PDZD2: variants seen among roughly 807,000 people sequenced by gnomAD.
PDZD2 encodes the protein PDZ domain containing 2, also known as PDZ domain-containing protein 2.
A neutral mutation model predicts 220.7 loss-of-function variants in PDZD2; 90 were observed. That is an observed-to-expected ratio of 0.41 (90% CI 0.34 to 0.49). The LOEUF is 0.49. Ranked by LOEUF, PDZD2 falls within the 20% of genes least tolerant of loss-of-function variation. PDZD2 has a pLI of 0.28. For missense variants in PDZD2, 3,174 were observed against 3,608.5 expected (o/e 0.88, Z 3.08); for synonymous variants, 1,375 against 1,450.5 (o/e 0.95, Z 1.18).
intron 11 of PDZD2, 22 bp from the exon 12 acceptor site, chr5:32,057,856 C>G: frequency 6.4e-7 from 1 of 1,568,840 alleles, no homozygotes; most frequent in Non-Finnish European, 8.8e-7. Context: ...TTTCAGCCCA[C>G]CTTTCCTCAC....
chr5:31,968,936 G>A (rs1749015496), intron 2 of PDZD2, among the ~76,000 whole-genome samples: 1 of 152,140 alleles, frequency 6.6e-6, no homozygotes, highest in Admixed American at 6.6e-5. Context: ...AGCAGTGTTT[G>A]GAGCTTTTGT....
rs765482094 is a variant in PDZD2, at chr5:31,799,416, G to A, written c.168G>A (p.Thr56=). ...IQLNFAVDES[T]VPPDHSPPEM... is the part of the protein sequence containing the mutation. ...TGAACTTTGCTGTGGATGAGAGTAC[G>A]GTCCCACCTGATCACAGCCCCCCCG... The change falls in exon 2 of 25, where the codon ACG becomes ACA. Residue 56 remains threonine, a synonymous_variant. Transcript: ENST00000438447. 9.3e-6 allele frequency: 15 copies of A among 1,614,192 alleles called. No homozygotes were observed. Among genetic ancestry groups the A allele is most frequent in the Middle Eastern group, 3.3e-4 (2 of 6,062 alleles).
chr5:31,645,818 GCACGC>G (rs1485538012), intron 1 of PDZD2, among the ~76,000 whole-genome samples: 1 of 152,080 alleles, frequency 6.6e-6, no homozygotes, highest in African/African-American at 2.4e-5. Flanking sequence ...GTGAGCAGGG[GCACGC>G]TTTGTGCTGT....
At chr5:31,689,865 G>A (rs1489025808) in intron 1 of PDZD2, among the ~76,000 whole-genome samples, 1 of 152,168 alleles carries the variant, frequency 6.6e-6, no homozygotes, top group Non-Finnish European at 1.5e-5. Flanking sequence ...TGCTCTGATA[G>A]TCAATGCTGA....
In PDZD2 at chr5:32,041,375, T is replaced by G. The variant is rs532512132; in HGVS notation, c.1519+4033T>G. 9.0e-4 allele frequency among the ~76,000 whole-genome samples: 135 copies of G among 150,576 alleles called. 1 individual carries two copies. Among genetic ancestry groups the G allele is most frequent in the Non-Finnish European group, 1.8e-3 (119 of 67,684 alleles). On this transcript the variant is annotated intron_variant, in intron 7 of 24. Coordinates refer to ENST00000438447, the MANE Select transcript of PDZD2 (RefSeq NM_178140.4). ...AGCGACCATCGAGAACGGGCCATGA[T>G]GACGATGGCAGTTTTGTCATCAAGA...
At chr5:31,959,289 A>T (rs1748005686) in intron 2 of PDZD2, among the ~76,000 whole-genome samples, 1 of 149,690 alleles carries the variant, frequency 6.7e-6, no homozygotes, top group African/African-American at 2.4e-5. Context: ...ACTTAAAATG[A>T]CTTTGTTATA....
chr5:31,655,173 T>A (rs565396085), intron 1 of PDZD2, among the ~76,000 whole-genome samples: 7 of 152,032 alleles, frequency 4.6e-5, no homozygotes, highest in Middle Eastern at 6.8e-3. Context: ...ATTTTTGTTT[T>A]GTTTTTGTTT....
In PDZD2 at chr5:31,873,033, A is replaced by G. The variant is rs192632298; in HGVS notation, c.476+73309A>G. 7.9e-5 allele frequency among the ~76,000 whole-genome samples: 12 copies of G among 152,326 alleles called. No homozygotes were observed. The East Asian group carries it at 2.3e-3, about 29-fold the overall frequency. On this transcript the variant is annotated intron_variant, in intron 2 of 24. Transcript: ENST00000438447. Reference sequence around the variant, plus strand: ...TAAGTACACTGCGTGATTTTTACACAATGACAATTACTTGACGACACATTT... The same window carrying G: ...TAAGTACACTGCGTGATTTTTACACGATGACAATTACTTGACGACACATTT...
Position 32,000,194 on chromosome 5 carries a change from G to A in PDZD2, c.1177G>A (p.Val393Ile). ...ELLVINGHLL[V>I]GLSHEEAVAI... is the part of the protein sequence containing the mutation. ...GCTGGTAATCAATGGTCATTTACTG[G>A]TCGGGCTCTCCCACGAGGAAGCAGT... The change falls in exon 5 of 25, where the codon GTC becomes ATC. Residue 393 changes from valine to isoleucine, a missense_variant. Val to Ile is a conservative substitution (Grantham distance 29, BLOSUM62 3). Coordinates refer to ENST00000438447, the MANE Select transcript of PDZD2 (RefSeq NM_178140.4). The surrounding 1 kb of genome is among the most constrained non-coding windows in gnomAD (Gnocchi z 4.5). The A allele has an allele frequency of 1.2e-6, 2 of 1,614,048 alleles. No homozygotes were observed. Among genetic ancestry groups the A allele is most frequent in the Middle Eastern group, 1.6e-4 (1 of 6,062 alleles).
intron 2 of PDZD2, among the ~76,000 whole-genome samples, chr5:31,893,761 G>A (rs1387296120): frequency 2.0e-5 from 3 of 152,202 alleles, no homozygotes; most frequent in Admixed American, 2.0e-4. Flanking sequence ...GATTGTGTAT[G>A]TATGTGTCTG....
intron 2 of PDZD2, among the ~76,000 whole-genome samples, chr5:31,978,486 G>A (rs1000105507): frequency 1.3e-5 from 2 of 152,112 alleles, no homozygotes; most frequent in Non-Finnish European, 2.9e-5. Flanking sequence ...TTGGGAGGCC[G>A]AGGTGGGCGG....
At chr5:31,922,856 T>TA (rs1581087455) in intron 2 of PDZD2, among the ~76,000 whole-genome samples, 1 of 152,124 alleles carries the variant, frequency 6.6e-6, no homozygotes. Context: ...TTTTTGTATT[T>TA]TTAGTTAGAC....
chr5:32,006,353 A>ATTTTTTT (rs71912250), intron 5 of PDZD2, among the ~76,000 whole-genome samples: 1 of 134,352 alleles, frequency 7.4e-6, no homozygotes, highest in African/African-American at 2.7e-5. Context: ...AGGAAGTACA[A>ATTTTTTT]TTTTTTTTTT....
chr5:31,776,973 C>T (rs1752698002), intron 1 of PDZD2, among the ~76,000 whole-genome samples: 1 of 152,132 alleles, frequency 6.6e-6, no homozygotes, highest in African/African-American at 2.4e-5. Context: ...CTCTCAGCAC[C>T]TCCTCGGCCT....
chr5:31,647,782 C>T (rs192433546), intron 1 of PDZD2, among the ~76,000 whole-genome samples: 136 of 152,252 alleles, frequency 8.9e-4, no homozygotes, highest in Admixed American at 2.0e-3. Flanking sequence ...GTGGGTATAT[C>T]TTTTGGGGAG....
rs201822397 is a variant in PDZD2 at position 32,098,555 on chromosome 5, C to G, written c.8139C>G (p.Pro2713=). Residue 2713 remains proline (P), a synonymous_variant, in exon 23 of 25, where the codon CCC becomes CCG. Transcript: ENST00000438447. This position sits in a 1 kb window ranked among gnomAD's most constrained non-coding sequence, Gnocchi z 4.1. ...AGAAAGGGATGGATCAGCCCAGGCC[C>G]TCTGCCCGGCAGGAGCCTCCCACAG... ...VIKKGMDQPR[P]SARQEPPTAN... is the part of the protein sequence containing the mutation. 2.5e-6 allele frequency: 4 copies of G among 1,614,048 alleles called. No individual in the cohort carries two copies. The highest frequency in any genetic ancestry group is 1.1e-5 in the South Asian group (1 of 91,084).
intron 1 of PDZD2, among the ~76,000 whole-genome samples, chr5:31,777,418 C>T (rs1752745088): frequency 6.6e-6 from 1 of 152,136 alleles, no homozygotes; most frequent in South Asian, 2.1e-4. Context: ...TGGGCTCCCA[C>T]GTGTCCGGAG....
rs144704382 is a variant in PDZD2, at chr5:32,072,242, G to A, written c.2650G>A (p.Gly884Ser). 302 of 1,613,876 alleles carry A rather than the reference G, an allele frequency of 1.9e-4. No individual in the cohort carries two copies. In the African/African-American group the frequency reaches 3.5e-3, roughly 19 times the overall value. ...CCCCTTGTCAGACTTCATGGTGGCC[G>A]GTTCTGAGGACGAGGATCACCCGGG... is the stretch of plus-strand genomic sequence containing the variant. ...PGPLSDFMVA[G>S]SEDEDHPGSG... is the part of the protein sequence containing the mutation. The change falls in exon 17 of 25, where the codon GGT becomes AGT. Residue 884 changes from glycine (G) to serine (S), a missense_variant. This residue lies in a region of PDZD2 where 1,861 missense variants were observed against 2,001.0 expected (regional missense o/e 0.93). Coordinates refer to ENST00000438447, the MANE Select transcript of PDZD2 (RefSeq NM_178140.4).
intron 1 of PDZD2, among the ~76,000 whole-genome samples, chr5:31,668,276 C>T (rs1746083136): frequency 3.3e-5 from 5 of 152,216 alleles, no homozygotes; most frequent in Admixed American, 3.3e-4. Context: ...CACAAACAGC[C>T]TTGTGGCCCC....
Sources: gnomAD v4.1 joint callset for allele counts (sites outside exome capture counted in the v4.1 genomes callset) on GRCh38, gnomAD v4.1.1 for gene constraint, gnomAD v4.1.1 regional missense constraint, Gnocchi (gnomAD v3.1) non-coding constraint, MANE v1.5 for transcripts, NCBI Gene and HGNC (gene_info 2026-07-23, HGNC 2026-07-21) for gene names.